SIM1: variants seen among roughly 807,000 people sequenced by gnomAD.
SIM1 encodes the protein single-minded homolog 1.
In SIM1, 18 loss-of-function variants were observed where a neutral mutation model predicts 78.2. The ratio of observed to expected loss-of-function variants is 0.23; its 90% CI spans 0.16 to 0.34. The LOEUF (loss-of-function observed/expected upper bound fraction) is 0.34, where lower values mean the gene tolerates loss of function less well. SIM1 is among the 10% of genes least tolerant of loss of function. SIM1 has a pLI of 1.00. For missense variants in SIM1, 939 were observed against 975.1 expected (o/e 0.96, Z 0.49); for synonymous variants, 417 against 385.2 (o/e 1.08, Z -0.97).
At chr6:100,464,113 T>C (rs1300980398) in intron 1 of SIM1, among the ~76,000 whole-genome samples, 178 bp from the exon 2 acceptor site, 2 of 152,162 alleles carry the variant, frequency 1.3e-5, no homozygotes, top group Non-Finnish European at 2.9e-5. Flanking sequence ...CAAATAATGC[T>C]GGCATTCCCT....
intron 2 of SIM1, among the ~76,000 whole-genome samples, chr6:100,459,625 T>C (rs928108636): frequency 1.3e-5 from 2 of 152,172 alleles, no homozygotes; most frequent in East Asian, 3.8e-4. Context: ...ATAGAAACCA[T>C]CTGTGGAAGT....
chr6:100,389,915 T>G lies in SIM1; in HGVS notation c.*446A>C. ...CGTTAAGAAGTTTAGTGTGACAGAG[T>G]CAAAGAAAATTACCCATTTTTGATG... On this transcript the variant is annotated 3_prime_UTR_variant, in exon 12 of 12. Transcript: ENST00000369208. 1 of 395,770 alleles carries G rather than the reference T, an allele frequency of 2.5e-6. No individual in the cohort carries two copies. Among genetic ancestry groups the G allele is most frequent in the Non-Finnish European group, 4.4e-6 (1 of 224,766 alleles). The allele number at this position is 395,770 out of a possible 1,614,324, so 24.5% of individuals were successfully genotyped here. A position where few individuals can be genotyped will look rare whatever the true frequency, so the allele number is the denominator to read the frequency against.
chr6:100,394,065 AT>A (rs1314383137), intron 10 of SIM1, 176 bp from the exon 11 acceptor site: 4 of 535,970 alleles, frequency 7.5e-6, no homozygotes, highest in African/African-American at 3.9e-5. Context: ...CTAACTTGGA[AT>A]TACTTAATTC....
chr6:100,455,881 G>A (rs1772638624), intron 2 of SIM1, among the ~76,000 whole-genome samples: 1 of 152,190 alleles, frequency 6.6e-6, no homozygotes, highest in South Asian at 2.1e-4. Flanking sequence ...GGCTGGGCTC[G>A]GGATAAATAC....
intron 3 of SIM1, among the ~76,000 whole-genome samples, chr6:100,452,850 C>G (rs1772550533): frequency 6.6e-6 from 1 of 152,116 alleles, no homozygotes; most frequent in Non-Finnish European, 1.5e-5. Flanking sequence ...CTAAAATCTT[C>G]TTGGTGTCTT....
chr6:100,422,126 T>C (rs900595057), intron 9 of SIM1, among the ~76,000 whole-genome samples: 1 of 152,236 alleles, frequency 6.6e-6, no homozygotes, highest in Non-Finnish European at 1.5e-5. Context: ...TCACTTTCTC[T>C]GATTCTCTAA....
At chr6:100,450,554 C>T (rs939864528) in intron 3 of SIM1, among the ~76,000 whole-genome samples, 198 bp from the exon 4 acceptor site, 34 of 152,188 alleles carry the variant, frequency 2.2e-4, no homozygotes, top group African/African-American at 8.2e-4. Context: ...CTGGGGCATG[C>T]AGCCCAATGG....
In SIM1 at chr6:100,448,200, A is replaced by G. The variant is rs749969840; in HGVS notation, c.796T>C (p.Tyr266His). 6.2e-7 allele frequency: 1 copy of G among 1,613,994 alleles called. No individual in the cohort carries two copies. The highest frequency in any genetic ancestry group is 8.5e-7 in the Non-Finnish European group (1 of 1,179,978). Residue 266 changes from tyrosine (Y) to histidine (H), a missense_variant, in exon 8 of 12, where the codon TAC becomes CAC. Tyr to His is a moderately conservative substitution (Grantham distance 83). Around this residue, in one of 5 missense-constraint regions of SIM1, gnomAD observed 187 missense variants for 191.6 expected, o/e 0.98. Coordinates refer to ENST00000369208, the MANE Select transcript of SIM1 (RefSeq NM_005068.3). Reference protein sequence around the residue: ...EPQDLIEKTLYHHVHGCDTFH... With the variant: ...EPQDLIEKTLHHHVHGCDTFH... The stretch of plus-strand genomic sequence containing the variant: ...GTGTCGCAGCCGTGCACATGGTGGT[A>G]CAGAGTCTTCTCAATCAGGTCCTGA...
intron 11 of SIM1, among the ~76,000 whole-genome samples, chr6:100,391,367 A>G (rs1415273738): frequency 6.6e-6 from 1 of 152,230 alleles, no homozygotes; most frequent in African/African-American, 2.4e-5. Context: ...TGTGAATGAC[A>G]ATTAGCAAAA....
rs1374660274 is a variant in SIM1, at chr6:100,420,927, G to C, written c.1030C>G (p.Leu344Val). The C allele has an allele frequency of 6.2e-7, 1 of 1,613,874 alleles. No homozygotes were observed. The highest frequency in any genetic ancestry group is 8.5e-7 in the Non-Finnish European group (1 of 1,179,938). ...GGTTTGGAGGCTGAGATCTGATCCA[G>C]GGAGAGCTGCAGCCCTTTGTATTCT... ...DTEYKGLQLS[L>V]DQISASKPAF... Residue 344 changes from leucine to valine, a missense_variant, in exon 10 of 12, where the codon CTG (leucine) becomes GTG (valine). This residue lies in a region of SIM1 where 66 missense variants were observed against 108.4 expected (regional missense o/e 0.61). Coordinates refer to ENST00000369208, the MANE Select transcript of SIM1 (RefSeq NM_005068.3).
chr6:100,427,584 C>CA (rs1771767882), intron 9 of SIM1, among the ~76,000 whole-genome samples: 1 of 152,020 alleles, frequency 6.6e-6, no homozygotes, highest in South Asian at 2.1e-4. Flanking sequence ...AAAAGTAAGG[C>CA]AAAAAAATTG....
At chr6:100,398,554 T>C (rs370481026) in intron 10 of SIM1, among the ~76,000 whole-genome samples, 11 of 152,280 alleles carry the variant, frequency 7.2e-5, no homozygotes, top group African/African-American at 2.6e-4. Flanking sequence ...GACTGGTTTG[T>C]TTCACTTAGC....
intron 9 of SIM1, among the ~76,000 whole-genome samples, chr6:100,423,039 G>T (rs1337495053): frequency 6.6e-6 from 1 of 152,118 alleles, no homozygotes; most frequent in Non-Finnish European, 1.5e-5. Context: ...TAAAAATTTA[G>T]AAAGTGAACC....
chr6:100,431,953 T>C (rs1771913468), intron 9 of SIM1, among the ~76,000 whole-genome samples: 1 of 152,116 alleles, frequency 6.6e-6, no homozygotes, highest in African/African-American at 2.4e-5. Flanking sequence ...AGAACAGCCT[T>C]GACAACATAG....
At chr6:100,455,652 G>A (rs1031001525) in intron 2 of SIM1, among the ~76,000 whole-genome samples, 1 of 152,226 alleles carries the variant, frequency 6.6e-6, no homozygotes, top group African/African-American at 2.4e-5. Context: ...GGGCGCTCTG[G>A]GGCCTACGGA....
chr6:100,390,653 C>T lies in SIM1; in HGVS notation c.2009G>A (p.Ser670Asn). ...SPNSDRISKS[S>N]LILAKDYLHS... The stretch of plus-strand genomic sequence containing the variant: ...CAGATAGTCTTTAGCTAGGATCAAA[C>T]TGGATTTTGAAATGCGATCCGAATT... Residue 670 changes from serine to asparagine, a missense_variant, in exon 12 of 12, where the codon AGT becomes AAT. Coordinates refer to ENST00000369208, the MANE Select transcript of SIM1 (RefSeq NM_005068.3). 6.2e-7 allele frequency: 1 copy of T among 1,614,144 alleles called. No individual in the cohort carries two copies.
intron 10 of SIM1, among the ~76,000 whole-genome samples, chr6:100,419,944 A>G (rs1206203718): frequency 3.3e-5 from 5 of 152,088 alleles, no homozygotes; most frequent in African/African-American, 9.7e-5. Context: ...CCCAGCCTCC[A>G]GTTTGGTTTT....
chr6:100,453,119 G>A (rs1217356842), intron 3 of SIM1, among the ~76,000 whole-genome samples: 2 of 152,234 alleles, frequency 1.3e-5, no homozygotes, highest in African/African-American at 2.4e-5. Flanking sequence ...TAGGCAAAGA[G>A]CAAGTTAAAA....
chr6:100,442,515 G>A (rs1235971855), intron 9 of SIM1, among the ~76,000 whole-genome samples: 1 of 151,900 alleles, frequency 6.6e-6, no homozygotes, highest in African/African-American at 2.4e-5. Flanking sequence ...CTAATTTACG[G>A]GTATACATTA....
Sources: allele counts gnomAD v4.1 joint callset (sites outside exome capture counted in the v4.1 genomes callset), GRCh38; gene constraint gnomAD v4.1.1; regional missense constraint gnomAD v4.1.1; transcripts MANE v1.5; gene names NCBI Gene and HGNC (gene_info 2026-07-23, HGNC 2026-07-21).